Variants in SLC35F1 observed in about 807,000 individuals in gnomAD.
SLC35F1 encodes solute carrier family 35 member F1, also known as chromosome 6 open reading frame 169.
A neutral mutation model predicts 48.7 loss-of-function variants in SLC35F1; 14 were observed. That is an observed-to-expected ratio of 0.29 (90% CI 0.19 to 0.45). SLC35F1 has a LOEUF of 0.45. SLC35F1 is among the 20% of genes least tolerant of loss of function. The probability of loss-of-function intolerance (pLI) is 1.00; values close to 1 mark genes in which losing one functional copy is unlikely to be tolerated. For synonymous variants in SLC35F1, 190 were observed against 202.2 expected (o/e 0.94, Z 0.51); for missense variants, 404 against 500.0 (o/e 0.81, Z 1.83).
In SLC35F1 at chr6:117,967,998, A is replaced by C. The variant is rs534287161; in HGVS notation, c.173+60099A>C. ...AATATTTTCCCAGAACACTATTTTT[A>C]TTTTATTTCTAAAATAAATGACAGA... On this transcript the variant is annotated intron_variant, in intron 1 of 7. Transcript: ENST00000360388. Among the ~76,000 whole-genome samples the C allele has an allele frequency of 7.6e-4, 115 of 152,290 alleles. 1 individual carries two copies. Among genetic ancestry groups the C allele is most frequent in the Middle Eastern group, 3.4e-3 (1 of 294 alleles).
At position 118,277,568 on chromosome 6, in the gene SLC35F1, G is replaced by A. The variant is rs769982918; in HGVS notation, c.847+22G>A. ...ATAGGTAAGGAGTTGGCTCACATAC[G>A]ATGCTCTTTTTATAACCTGAGAAAT... On this transcript the variant is annotated intron_variant, in intron 6 of 7. Transcript: ENST00000360388. 33 of 1,609,766 alleles carry A rather than the reference G, an allele frequency of 2.0e-5. No individual in the cohort carries two copies. In the East Asian group the frequency reaches 4.0e-4, roughly 20 times the overall value.
intron 1 of SLC35F1, among the ~76,000 whole-genome samples, chr6:118,014,528 C>T (rs1287551973): frequency 6.6e-6 from 1 of 152,106 alleles, no homozygotes; most frequent in Non-Finnish European, 1.5e-5. Flanking sequence ...CCCAAGCTCA[C>T]ATTTGTCACT....
At chr6:118,245,160 T>C (rs1775491189) in intron 3 of SLC35F1, among the ~76,000 whole-genome samples, 1 of 152,366 alleles carries the variant, frequency 6.6e-6, no homozygotes, top group African/African-American at 2.4e-5. Context: ...GTACTTTCTT[T>C]ATATTCTATA....
rs1344528418 is a variant in SLC35F1 at position 118,035,611 on chromosome 6, T to A, written c.174-118834T>A. 9.8e-5 allele frequency among the ~76,000 whole-genome samples: 13 copies of A among 132,118 alleles called. No individual in the cohort carries two copies. The East Asian group carries it at 3.4e-3, about 34-fold the overall frequency. The allele number at this position is 132,118 out of a possible 152,430, so 86.7% of individuals were successfully genotyped here. A position where few individuals can be genotyped will look rare whatever the true frequency, so the allele number is the denominator to read the frequency against. On this transcript the variant is annotated intron_variant, in intron 1 of 7. Coordinates refer to ENST00000360388, the MANE Select transcript of SLC35F1 (RefSeq NM_001029858.4). The stretch of plus-strand genomic sequence containing the variant: ...TTTAGGCAACAAGAGTGAAACTCCG[T>A]CTCACAAAAAAAAAACAACAACAAC...
chr6:118,118,370 G>A (rs1773502055), intron 1 of SLC35F1, among the ~76,000 whole-genome samples: 1 of 152,116 alleles, frequency 6.6e-6, no homozygotes. Flanking sequence ...TTATCATAGA[G>A]TGATAAACTT....
intron 3 of SLC35F1, among the ~76,000 whole-genome samples, chr6:118,238,836 T>G (rs1775400716): frequency 6.6e-6 from 1 of 152,178 alleles, no homozygotes; most frequent in Non-Finnish European, 1.5e-5. Context: ...AGAGGAGATT[T>G]CTCTCACTGA....
intron 3 of SLC35F1, among the ~76,000 whole-genome samples, chr6:118,260,493 A>T (rs1341634260): frequency 6.6e-6 from 1 of 152,050 alleles, no homozygotes; most frequent in African/African-American, 2.4e-5. Flanking sequence ...GGGTGTCTTT[A>T]TCCTAAACTG....
At chr6:118,013,637 C>T (rs905246579) in intron 1 of SLC35F1, among the ~76,000 whole-genome samples, 9 of 152,042 alleles carry the variant, frequency 5.9e-5, no homozygotes, top group Non-Finnish European at 1.3e-4. Flanking sequence ...TTAGCATAGC[C>T]GATTGAAATG....
chr6:118,128,450 A>C lies in SLC35F1; in HGVS notation c.174-25995A>C, dbSNP rs1299795193. On this transcript the variant is annotated intron_variant, in intron 1 of 7. Transcript: ENST00000360388. ...TGATAGACTGGATTAAGAAAATGTG[A>C]CACATATACACCATGGAATACTATG... Among the ~76,000 whole-genome samples the C allele has an allele frequency of 4.6e-5, 7 of 151,114 alleles. No homozygotes were observed. The East Asian group carries it at 1.2e-3, about 25-fold the overall frequency.
chr6:118,100,481 C>T (rs1457837446), intron 1 of SLC35F1, among the ~76,000 whole-genome samples: 1 of 152,174 alleles, frequency 6.6e-6, no homozygotes, highest in Non-Finnish European at 1.5e-5. Flanking sequence ...ACTGGAACCA[C>T]TCACAGAACT....
At position 118,097,744 on chromosome 6, in the gene SLC35F1, C is replaced by G. The variant is rs138244736; in HGVS notation, c.174-56701C>G. On this transcript the variant is annotated intron_variant, in intron 1 of 7. Transcript: ENST00000360388. ...AATGCCACAGTGGTCATTCTTTGTC[C>G]CAGTTAAACAAAGTACTATCCTAGT... Among the ~76,000 whole-genome samples the G allele has an allele frequency of 4.6e-3, 694 of 152,222 alleles. 5 individuals are homozygous for G. The highest frequency in any genetic ancestry group is 0.015 in the African/African-American group (638 of 41,544).
At chr6:118,087,984 A>C (rs1361218227) in intron 1 of SLC35F1, among the ~76,000 whole-genome samples, 3 of 152,208 alleles carry the variant, frequency 2.0e-5, no homozygotes, top group Non-Finnish European at 4.4e-5. Flanking sequence ...TAGATTTAGA[A>C]TAGCAATCAA....
At position 117,923,696 on chromosome 6, in the gene SLC35F1, T is replaced by C. The variant is rs1175110376; in HGVS notation, c.173+15797T>C. On this transcript the variant is annotated intron_variant, in intron 1 of 7. Transcript: ENST00000360388. ...ATATGTACATATATACATATGTACA[T>C]ATACATATATGTACATATATACATA... is the stretch of plus-strand genomic sequence containing the variant. Among the ~76,000 whole-genome samples, 12 of 116,080 alleles carry C rather than the reference T, an allele frequency of 1.0e-4. 3 individuals are homozygous for C. The highest frequency in any genetic ancestry group is 2.0e-4 in the Admixed American group (2 of 10,184). The allele number at this position is 116,080 out of a possible 152,430, so 76.2% of individuals were successfully genotyped here.
intron 2 of SLC35F1, among the ~76,000 whole-genome samples, chr6:118,233,625 G>C (rs889411880): frequency 6.6e-6 from 1 of 152,086 alleles, no homozygotes; most frequent in Non-Finnish European, 1.5e-5. Context: ...CTATGGATAA[G>C]TATATGAGTA....
chr6:118,107,019 T>C (rs75798072), intron 1 of SLC35F1, among the ~76,000 whole-genome samples: 4,519 of 152,302 alleles, frequency 0.03, 228 homozygotes, highest in African/African-American at 0.1. Context: ...TTATCATCAA[T>C]AGAAACTAAT....
intron 6 of SLC35F1, among the ~76,000 whole-genome samples, chr6:118,281,527 GAGAA>G (rs528560925): frequency 6.6e-6 from 1 of 152,112 alleles, no homozygotes. Flanking sequence ...TTGGAGGTGG[GAGAA>G]AGAAAGAAAG....
intron 1 of SLC35F1, among the ~76,000 whole-genome samples, chr6:117,982,909 G>A (rs1487989638): frequency 1.3e-5 from 2 of 151,838 alleles, no homozygotes; most frequent in African/African-American, 4.8e-5. Context: ...TCTGATTTTG[G>A]GCCATTACCC....
intron 1 of SLC35F1, among the ~76,000 whole-genome samples, chr6:118,035,808 G>C (rs537547257): frequency 7.2e-6 from 1 of 138,112 alleles, no homozygotes; most frequent in Non-Finnish European, 1.5e-5. Flanking sequence ...TCCTGCCTCA[G>C]CCCCCACATA....
At chr6:118,007,405 G>A (rs539380021) in intron 1 of SLC35F1, among the ~76,000 whole-genome samples, 28 of 152,228 alleles carry the variant, frequency 1.8e-4, no homozygotes, top group Non-Finnish European at 4.0e-4. Context: ...ACTATGTGCC[G>A]GACATTGTGC....
Sources: allele counts gnomAD v4.1 joint callset (sites outside exome capture counted in the v4.1 genomes callset), GRCh38; gene constraint gnomAD v4.1.1; transcripts MANE v1.5; gene names NCBI Gene and HGNC (gene_info 2026-07-23, HGNC 2026-07-21).